The following LRCH3 variants were observed in gnomAD, a reference collection of about 807,000 sequenced individuals.
The protein encoded by LRCH3 is DISP complex protein LRCH3.
A neutral mutation model predicts 104.5 loss-of-function variants in LRCH3; 68 were observed. The ratio of observed to expected loss-of-function variants is 0.65; its 90% CI spans 0.54 to 0.80. The LOEUF is 0.80. Among genes scored for constraint, LRCH3 ranks in the 30% least tolerant of loss-of-function variants. The probability of loss-of-function intolerance (pLI) is 0.00; values close to 1 mark genes in which losing one functional copy is unlikely to be tolerated. For synonymous variants in LRCH3, 344 were observed against 361.3 expected (o/e 0.95, Z 0.54); for missense variants, 951 against 953.9 (o/e 1.00, Z 0.04).
At chr3:197,823,164 T>G (rs1479382793) in intron 4 of LRCH3, 1 of 150,770 alleles carries the variant, frequency 6.6e-6, no homozygotes, top group East Asian at 1.9e-4. Context: ...GAGACGGGGT[T>G]TCATTATGTT....
chr3:197,806,570 A>C (rs1033987633), intron 1 of LRCH3, among the ~76,000 whole-genome samples: 2 of 151,832 alleles, frequency 1.3e-5, no homozygotes, highest in African/African-American at 4.8e-5. Flanking sequence ...AAATATAATA[A>C]GGGTCTCTAA....
At chr3:197,819,120 C>T (rs1485927462) in intron 3 of LRCH3, among the ~76,000 whole-genome samples, 1 of 149,188 alleles carries the variant, frequency 6.7e-6, no homozygotes, top group African/African-American at 2.5e-5. Context: ...AGTGAGATTC[C>T]GTCTGGGAAA....
intron 17 of LRCH3, among the ~76,000 whole-genome samples, chr3:197,869,250 C>T (rs1018978068): frequency 4.0e-5 from 6 of 151,850 alleles, no homozygotes; most frequent in African/African-American, 7.3e-5. Context: ...AAGTAGAAAG[C>T]GATACACTGT....
At chr3:197,835,905 T>G (rs763056216) in intron 9 of LRCH3, 83 bp downstream of exon 9, 2 of 1,421,934 alleles carry the variant, frequency 1.4e-6, no homozygotes, top group Non-Finnish European at 1.9e-6. Flanking sequence ...GTTATATCAG[T>G]GATTTGTTGA....
At chr3:197,855,666 C>CT (rs1740151360) in intron 14 of LRCH3, among the ~76,000 whole-genome samples, 1 of 152,186 alleles carries the variant, frequency 6.6e-6, no homozygotes, top group South Asian at 2.1e-4. Flanking sequence ...TGGTATAAGT[C>CT]TGAGTGCCAA....
chr3:197,857,602 A>G (rs1364921469), intron 14 of LRCH3, among the ~76,000 whole-genome samples: 2 of 152,200 alleles, frequency 1.3e-5, no homozygotes, highest in African/African-American at 2.4e-5. Context: ...TTTCGTCTAT[A>G]TCAGGTCTCA....
rs777074749 is a variant in LRCH3 at position 197,832,091 on chromosome 3, G to A, written c.982-106G>A. 11 of 1,156,436 alleles carry A rather than the reference G, an allele frequency of 9.5e-6. No homozygotes were observed. The Middle Eastern group carries it at 1.7e-3, about 175-fold the overall frequency. 71.6% of individuals were successfully genotyped at this position (1,156,436 alleles called of 1,614,324 possible). ...AGCACATCTAGCTAATTTACTCCTG[G>A]CCTCAAGTGATCCTCCTGCTTTGGT... is the stretch of plus-strand genomic sequence containing the variant. On this transcript the variant is annotated intron_variant, in intron 7 of 20. Transcript: ENST00000425562.
chr3:197,792,577 T>TTTTATATATATATATA (rs1553912028), intron 1 of LRCH3, among the ~76,000 whole-genome samples: 1 of 20,330 alleles, frequency 4.9e-5, no homozygotes, highest in African/African-American at 1.2e-4. Context: ...CCAGCTAATT[T>TTTTATATATATATATA]TATATATATA....
chr3:197,842,677 A>G (rs931013222), intron 10 of LRCH3, among the ~76,000 whole-genome samples: 6 of 152,176 alleles, frequency 3.9e-5, no homozygotes, highest in African/African-American at 1.4e-4. Context: ...GATCATAAAC[A>G]TAGGGAGATA....
chr3:197,798,323 C>T (rs1268127365), intron 1 of LRCH3, among the ~76,000 whole-genome samples: 3 of 152,014 alleles, frequency 2.0e-5, no homozygotes, highest in Non-Finnish European at 2.9e-5. Flanking sequence ...ATATTCTTAA[C>T]GTTGTATAGT....
At chr3:197,846,595 C>G (rs868660973) in intron 10 of LRCH3, among the ~76,000 whole-genome samples, 11 of 150,370 alleles carry the variant, frequency 7.3e-5, no homozygotes, top group Admixed American at 2.6e-4. Context: ...ATGGCTGGAG[C>G]CCAGGAGGTC....
At chr3:197,881,653 G>T in intron 20 of LRCH3, 1 of 985,470 alleles carries the variant, frequency 1.0e-6, no homozygotes, top group Non-Finnish European at 1.2e-6. Context: ...GCACTTAGCT[G>T]CTAGACGTTA....
chr3:197,851,781 A>C (rs1224054471), intron 12 of LRCH3, among the ~76,000 whole-genome samples: 1 of 152,244 alleles, frequency 6.6e-6, no homozygotes, highest in Non-Finnish European at 1.5e-5. Flanking sequence ...ATGGTGAATA[A>C]ATCACAGATG....
intron 1 of LRCH3, among the ~76,000 whole-genome samples, chr3:197,792,597 ATATATAT>A (rs1560511286): frequency 2.5e-5 from 2 of 79,176 alleles, no homozygotes; most frequent in East Asian, 4.9e-4. Context: ...ATATATATAT[ATATATAT>A]AAAATATACA....
At chr3:197,846,614 A>C (rs1355398949) in intron 10 of LRCH3, among the ~76,000 whole-genome samples, 1 of 151,208 alleles carries the variant, frequency 6.6e-6, no homozygotes, top group South Asian at 2.1e-4. Flanking sequence ...TCAAGACTGC[A>C]GTGAGCCATG....
chr3:197,883,728 G>C lies in LRCH3; in HGVS notation c.*62G>C. 2 of 1,478,052 alleles carry C rather than the reference G, an allele frequency of 1.4e-6. No individual in the cohort carries two copies. The highest frequency in any genetic ancestry group is 1.8e-6 in the Non-Finnish European group (2 of 1,112,710). The allele number at this position is 1,478,052 out of a possible 1,614,324, so 91.6% of individuals were successfully genotyped here. ...CAAGGAACAGGACACCGTGATTGCT[G>C]CTGCCAGCTGTCTGCTTAAACAAAG... On this transcript the variant is annotated 3_prime_UTR_variant, in exon 21 of 21. Transcript: ENST00000425562. This position sits in a 1 kb window ranked among gnomAD's most constrained non-coding sequence, Gnocchi z 4.2.
chr3:197,875,804 C>T, intron 20 of LRCH3, 29 bp downstream of exon 20: 1 of 1,383,644 alleles, frequency 7.2e-7, no homozygotes, highest in South Asian at 1.2e-5. Flanking sequence ...TTTATGTTGC[C>T]TAAATAGACT....
intron 12 of LRCH3, chr3:197,850,764 T>C: frequency 1.6e-6 from 2 of 1,278,186 alleles, no homozygotes; most frequent in South Asian, 1.2e-5. Context: ...AACTCCATCA[T>C]TGTAACGTCG....
In LRCH3 at chr3:197,813,109, G is replaced by A. The variant is rs190938669; in HGVS notation, c.263-1799G>A. ...TAGTTTTTTAAATTTCTTTGAGTAC[G>A]TAGTGGCTGCATATATTTATGGGGT... On this transcript the variant is annotated intron_variant, in intron 1 of 20. Coordinates refer to ENST00000425562, the MANE Select transcript of LRCH3 (RefSeq NM_001365715.1). Among the ~76,000 whole-genome samples, 192 of 152,122 alleles carry A rather than the reference G, an allele frequency of 1.3e-3. 1 individual carries two copies. Among genetic ancestry groups the A allele is most frequent in the East Asian group, 5.8e-4 (3 of 5,184 alleles).
Sources: gnomAD v4.1 joint callset for allele counts (sites outside exome capture counted in the v4.1 genomes callset) on GRCh38, gnomAD v4.1.1 for gene constraint, Gnocchi (gnomAD v3.1) non-coding constraint, MANE v1.5 for transcripts, NCBI Gene and HGNC (gene_info 2026-07-23, HGNC 2026-07-21) for gene names.